Variants in CADM2 observed in about 807,000 individuals in gnomAD.
CADM2 encodes the protein cell adhesion molecule 2.
A neutral mutation model predicts 49.8 loss-of-function variants in CADM2; 12 were observed. That is an observed-to-expected ratio of 0.24 (90% CI 0.15 to 0.39). CADM2 has a LOEUF of 0.39. Ranked by LOEUF, CADM2 falls within the 10% of genes least tolerant of loss-of-function variation. The pLI is 1.00. For missense variants in CADM2, 378 were observed against 492.3 expected, an observed-to-expected ratio of 0.77 and a Z score of 2.20; for synonymous variants, 214 against 175.4, an observed-to-expected ratio of 1.22 and a Z score of -1.74.
At chr3:85,247,614 GTATAA>G (rs540314154) in intron 1 of CADM2, among the ~76,000 whole-genome samples, 117 of 152,262 alleles carry the variant, frequency 7.7e-4, no homozygotes, top group Non-Finnish European at 1.5e-3. Context: ...AATCCTGATT[GTATAA>G]TATAATTCCC....
At chr3:85,640,180 G>A in intron 1 of CADM2, among the ~76,000 whole-genome samples, 1 of 152,072 alleles carries the variant, frequency 6.6e-6, no homozygotes, top group East Asian at 1.9e-4. Context: ...CTGTCACCAG[G>A]TATTGCAGTC....
intron 1 of CADM2, among the ~76,000 whole-genome samples, chr3:85,680,499 A>G (rs1190745532): frequency 1.3e-5 from 2 of 152,146 alleles, no homozygotes; most frequent in African/African-American, 2.4e-5. Context: ...ATTCTCTGCA[A>G]TGTTCCTTGG....
At chr3:85,491,717 A>C (rs2039681353) in intron 1 of CADM2, among the ~76,000 whole-genome samples, 2 of 152,064 alleles carry the variant, frequency 1.3e-5, no homozygotes, top group Non-Finnish European at 1.5e-5. Context: ...TTCGGGAGGC[A>C]GAGGCGGGCA....
intron 1 of CADM2, among the ~76,000 whole-genome samples, chr3:85,519,369 C>A (rs1466655128): frequency 2.0e-5 from 3 of 151,940 alleles, no homozygotes; most frequent in African/African-American, 7.2e-5. Flanking sequence ...AATCTTATTT[C>A]TTTTGTAAAA....
rs1270900927 is a variant in CADM2 at position 85,436,682 on chromosome 3, TTAAAG to T, written c.62-289835_62-289831del. Among the ~76,000 whole-genome samples, 10 of 152,338 alleles carry T rather than the reference TTAAAG, an allele frequency of 6.6e-5. No homozygotes were observed. In the East Asian group the frequency reaches 1.7e-3, roughly 26 times the overall value. ...GCAGAAATTCTATAAATCAAACATT[TTAAAG>T]TAAACTTTTTTATTTTAGCAATTTT... is the stretch of plus-strand genomic sequence containing the variant. On this transcript the variant is annotated intron_variant, in intron 1 of 9. Coordinates refer to ENST00000383699, the MANE Select transcript of CADM2 (RefSeq NM_001167675.2).
chr3:85,443,988 A>T (rs1455291012), intron 1 of CADM2, among the ~76,000 whole-genome samples: 1 of 152,134 alleles, frequency 6.6e-6, no homozygotes, highest in African/African-American at 2.4e-5. Context: ...TTCCTTCCAC[A>T]GTATTTACCA....
intron 1 of CADM2, among the ~76,000 whole-genome samples, chr3:85,254,883 T>C (rs1281087753): frequency 6.6e-6 from 1 of 152,098 alleles, no homozygotes; most frequent in African/African-American, 2.4e-5. Context: ...CTCTCTCCAG[T>C]GCTTCCCGTT....
chr3:85,320,523 A>G (rs370858388), intron 1 of CADM2, among the ~76,000 whole-genome samples: 1 of 152,072 alleles, frequency 6.6e-6, no homozygotes, highest in Non-Finnish European at 1.5e-5. Flanking sequence ...GTCCCCTGAC[A>G]TCAGTTTGGT....
chr3:85,326,040 T>A (rs2044741593), intron 1 of CADM2, among the ~76,000 whole-genome samples: 1 of 152,114 alleles, frequency 6.6e-6, no homozygotes, highest in African/African-American at 2.4e-5. Flanking sequence ...TCAACCAAAG[T>A]GTAAGTAGGA....
intron 1 of CADM2, among the ~76,000 whole-genome samples, chr3:85,336,980 A>T (rs1198068690): frequency 1.8e-5 from 1 of 55,010 alleles, no homozygotes; most frequent in African/African-American, 6.1e-5. Context: ...TATATATTTA[A>T]TATATATATA....
intron 1 of CADM2, among the ~76,000 whole-genome samples, chr3:85,679,384 T>A (rs1212078344): frequency 2.6e-5 from 4 of 152,156 alleles, no homozygotes; most frequent in Non-Finnish European, 5.9e-5. Context: ...GGTGTGTGGA[T>A]GAGAGATTAG....
chr3:85,741,369 C>A (rs1348857533), intron 2 of CADM2, among the ~76,000 whole-genome samples: 1 of 151,800 alleles, frequency 6.6e-6, no homozygotes, highest in South Asian at 2.1e-4. Flanking sequence ...TATTTAGTTG[C>A]CAAATAAAAA....
At chr3:85,200,764 A>C (rs2107745152) in intron 1 of CADM2, among the ~76,000 whole-genome samples, 1 of 152,318 alleles carries the variant, frequency 6.6e-6, no homozygotes, top group African/African-American at 2.4e-5. Flanking sequence ...TGGCAAATAT[A>C]AATTTGTTAA....
chr3:85,416,943 T>G (rs1225877848), intron 1 of CADM2, among the ~76,000 whole-genome samples: 1 of 152,180 alleles, frequency 6.6e-6, no homozygotes, highest in Non-Finnish European at 1.5e-5. Context: ...TCTTTATTTT[T>G]GACTATCTCA....
chr3:85,895,103 A>C (rs1006173284), intron 5 of CADM2, among the ~76,000 whole-genome samples: 2 of 152,188 alleles, frequency 1.3e-5, no homozygotes, highest in Admixed American at 1.3e-4. Flanking sequence ...GACAGCTTGA[A>C]GCCTGCACCT....
intron 1 of CADM2, among the ~76,000 whole-genome samples, chr3:85,672,294 G>T (rs537885033): frequency 6.7e-6 from 1 of 148,162 alleles, no homozygotes; most frequent in Non-Finnish European, 1.5e-5. Flanking sequence ...CCGGGTTCAC[G>T]CCATTCTCCT....
At chr3:85,343,578 C>A (rs947323442) in intron 1 of CADM2, among the ~76,000 whole-genome samples, 1 of 152,136 alleles carries the variant, frequency 6.6e-6, no homozygotes, top group Non-Finnish European at 1.5e-5. Flanking sequence ...ATCATCCAAC[C>A]AAACAGCATT....
intron 1 of CADM2, among the ~76,000 whole-genome samples, chr3:85,632,577 T>C (rs1156269903): frequency 6.6e-6 from 1 of 152,128 alleles, no homozygotes; most frequent in Non-Finnish European, 1.5e-5. Flanking sequence ...ATATGGTTTG[T>C]AATTTCAGCT....
chr3:84,966,660 G>A (rs1221167501), intron 1 of CADM2, among the ~76,000 whole-genome samples: 1 of 151,984 alleles, frequency 6.6e-6, no homozygotes, highest in Non-Finnish European at 1.5e-5. Flanking sequence ...AGCTAAGTTA[G>A]TAAGATCTGC....
Sources: gnomAD v4.1 joint callset for allele counts (sites outside exome capture counted in the v4.1 genomes callset) on GRCh38, gnomAD v4.1.1 for gene constraint, MANE v1.5 for transcripts, NCBI Gene and HGNC (gene_info 2026-07-23, HGNC 2026-07-21) for gene names.